The following NEDD9 variants were observed in gnomAD, a reference collection of about 807,000 sequenced individuals.
NEDD9 encodes neural precursor cell expressed, developmentally down-regulated 9.
A neutral mutation model predicts 76.6 loss-of-function variants in NEDD9; 26 were observed. The ratio of observed to expected loss-of-function variants is 0.34; its 90% CI spans 0.25 to 0.47. The LOEUF is 0.47. Among genes scored for constraint, NEDD9 ranks in the 20% least tolerant of loss-of-function variants. The pLI, the probability that NEDD9 is intolerant of heterozygous loss-of-function variation, is 1.00. For missense variants in NEDD9, 937 were observed against 1,058.5 expected, an observed-to-expected ratio of 0.89 and a Z score of 1.59; for synonymous variants, 392 against 414.2, an observed-to-expected ratio of 0.95 and a Z score of 0.65.
chr6:11,354,143 C>T (rs1453790817), intron 1 of NEDD9, among the ~76,000 whole-genome samples: 2 of 152,160 alleles, frequency 1.3e-5, no homozygotes, highest in Non-Finnish European at 2.9e-5. Context: ...TTGAACAAAG[C>T]TGAGTTGGGC....
intron 6 of NEDD9, among the ~76,000 whole-genome samples, chr6:11,186,762 C>T (rs951256955): frequency 3.9e-5 from 6 of 152,160 alleles, no homozygotes; most frequent in South Asian, 4.1e-4. Context: ...GGACTACAGG[C>T]GCCCGCCACC....
intron 3 of NEDD9, chr6:11,305,073 C>T (rs529384936): frequency 6.2e-5 from 80 of 1,284,680 alleles, no homozygotes; most frequent in East Asian, 4.4e-4. Context: ...TACCTTGGAA[C>T]GTTTGCCCAG....
chr6:11,305,410 C>T (rs7774907), intron 3 of NEDD9: 2,570 of 243,872 alleles, frequency 0.011, 52 homozygotes, highest in African/African-American at 0.053. Flanking sequence ...CTATGCCATG[C>T]GATGATGCCT....
chr6:11,280,731 G>C (rs559341289), intron 3 of NEDD9, among the ~76,000 whole-genome samples: 1 of 152,238 alleles, frequency 6.6e-6, no homozygotes, highest in Non-Finnish European at 1.5e-5. Context: ...GGGGCCCCAC[G>C]CTTGGAGCCC....
chr6:11,343,211 T>C lies in NEDD9; in HGVS notation c.-213-8650A>G, dbSNP rs189922776. On this transcript the variant is annotated intron_variant, in intron 1 of 3. Coordinates refer to the NEDD9 transcript ENST00000397378. ...TTGGGAGGCTGAGGCGGGTGGATCA[T>C]GAGGTCAGGAGTTCGAGACCAGCCT... Among the ~76,000 whole-genome samples the C allele has an allele frequency of 2.6e-3, 393 of 152,066 alleles. 2 individuals carry two copies. Among genetic ancestry groups the C allele is most frequent in the African/African-American group, 8.9e-3 (371 of 41,474 alleles).
chr6:11,247,612 C>G (rs960253728), intron 3 of NEDD9, among the ~76,000 whole-genome samples: 3 of 152,128 alleles, frequency 2.0e-5, no homozygotes, highest in African/African-American at 7.2e-5. Flanking sequence ...CCCCCCAGGC[C>G]CCAGACCTCT....
chr6:11,222,090 C>T (rs1406173453), intron 1 of NEDD9, among the ~76,000 whole-genome samples: 5 of 152,198 alleles, frequency 3.3e-5, no homozygotes, highest in African/African-American at 1.2e-4. Flanking sequence ...CAAGTTATAA[C>T]ATCTGATAAG....
At chr6:11,333,337 C>G (rs1762088321) in intron 2 of NEDD9, among the ~76,000 whole-genome samples, 1 of 152,180 alleles carries the variant, frequency 6.6e-6, no homozygotes, top group African/African-American at 2.4e-5. Flanking sequence ...CAATGGAAAC[C>G]AAACTGAGCC....
rs1159285854 is a variant in NEDD9 at position 11,370,158 on chromosome 6, G to A, written c.-214+11981C>T. 8.5e-6 allele frequency among the ~76,000 whole-genome samples: 1 copy of A among 117,720 alleles called. No homozygotes were observed. Among genetic ancestry groups the A allele is most frequent in the Non-Finnish European group, 1.7e-5 (1 of 57,952 alleles). 77.2% of individuals were successfully genotyped at this position (117,720 alleles called of 152,430 possible). A position where few individuals can be genotyped will look rare whatever the true frequency, so the allele number is the denominator to read the frequency against. ...AATGATGAAATAGACACATCTCTCT[G>A]CTAAATCATGCTTGTGGGAACCCAA... On this transcript the variant is annotated intron_variant, in intron 1 of 3. Transcript: ENST00000397378. This position sits in a 1 kb window ranked among gnomAD's most constrained non-coding sequence, Gnocchi z 4.2.
At chr6:11,208,922 A>C (rs952524342) in intron 2 of NEDD9, among the ~76,000 whole-genome samples, 1 of 152,222 alleles carries the variant, frequency 6.6e-6, no homozygotes, top group African/African-American at 2.4e-5. Flanking sequence ...TATTAAGTAG[A>C]ATTTTTGCTG....
At chr6:11,189,400 G>T (rs1041356268) in intron 5 of NEDD9, among the ~76,000 whole-genome samples, 1 of 152,188 alleles carries the variant, frequency 6.6e-6, no homozygotes, top group Non-Finnish European at 1.5e-5. Context: ...CTAATGCCCA[G>T]TGGTCCTCTA....
At chr6:11,378,183 C>T (rs562568446) in intron 1 of NEDD9, among the ~76,000 whole-genome samples, 18 of 152,132 alleles carry the variant, frequency 1.2e-4, no homozygotes, top group African/African-American at 3.6e-4. Flanking sequence ...GTGGAGGTTG[C>T]GGCAAGCCAA....
Position 11,190,291 on chromosome 6 carries a change from G to T in NEDD9, c.1578C>A (p.Asp526Glu), listed in dbSNP as rs150922117. The T allele has an allele frequency of 6.2e-7, 1 of 1,614,240 alleles. No homozygotes were observed. The highest frequency in any genetic ancestry group is 1.1e-5 in the South Asian group (1 of 91,084). Residue 526 changes from aspartate to glutamate, a missense_variant, in exon 5 of 7, where the codon GAC becomes GAA. Transcript: ENST00000379446. This position sits in a 1 kb window ranked among gnomAD's most constrained non-coding sequence, Gnocchi z 5.8. ...LAINKPQNKCDDLDRFVMVAK... is the reference protein window; with the variant it reads ...LAINKPQNKCEDLDRFVMVAK... Reference sequence around the variant, plus strand: ...CCACCATCACAAACCGGTCCAGATCGTCACACTTGTTCTGGGGCTTGTTGA... The same window carrying T: ...CCACCATCACAAACCGGTCCAGATCTTCACACTTGTTCTGGGGCTTGTTGA...
chr6:11,229,988 T>G (rs1037171010), intron 1 of NEDD9, among the ~76,000 whole-genome samples: 7 of 152,204 alleles, frequency 4.6e-5, no homozygotes, highest in African/African-American at 1.7e-4. Flanking sequence ...TAGGGCCTGA[T>G]TCATAAGTCT....
chr6:11,183,409 C>G lies in NEDD9; in HGVS notation c.*1753G>C, dbSNP rs377304313. 2 of 152,212 alleles carry G rather than the reference C, an allele frequency of 1.3e-5. No homozygotes were observed. The highest frequency in any genetic ancestry group is 4.8e-5 in the African/African-American group (2 of 41,450). The allele number at this position is 152,212 out of a possible 1,614,324, so 9.4% of individuals were successfully genotyped here. A position where few individuals can be genotyped will look rare whatever the true frequency, so the allele number is the denominator to read the frequency against. The stretch of plus-strand genomic sequence containing the variant: ...GTTTTAAAAATGTGAAATGTCTCCA[C>G]TTAGCGTAGATCAATCAAGTCAGCC... On this transcript the variant is annotated 3_prime_UTR_variant, in exon 7 of 7. Coordinates refer to ENST00000379446, the MANE Select transcript of NEDD9 (RefSeq NM_006403.4).
At chr6:11,284,032 T>C (rs1760591972) in intron 3 of NEDD9, among the ~76,000 whole-genome samples, 1 of 151,674 alleles carries the variant, frequency 6.6e-6, no homozygotes, top group Non-Finnish European at 1.5e-5. Context: ...ATGTCATCTC[T>C]CTAAGGATTG....
intron 1 of NEDD9, among the ~76,000 whole-genome samples, chr6:11,361,882 A>T (rs1762686477): frequency 6.6e-6 from 1 of 152,182 alleles, no homozygotes; most frequent in African/African-American, 2.4e-5. Context: ...AGTAGGTGGT[A>T]TGTGAGCTGA....
chr6:11,289,428 G>A (rs1760716436), intron 3 of NEDD9, among the ~76,000 whole-genome samples: 1 of 152,094 alleles, frequency 6.6e-6, no homozygotes, highest in African/African-American at 2.4e-5. Context: ...ATACTTTGCA[G>A]CCAAATGGCA....
In NEDD9 at chr6:11,185,177, C is replaced by T. The variant is rs1462395787; in HGVS notation, c.2490G>A (p.Glu830=). The stretch of plus-strand genomic sequence containing the variant: ...TTTTTTCTTCTCAGAACGTTGCCAT[C>T]TCCAGCAAAGAGCGCTTGAACAGCT... ...NAQLFKRSLL[E]MATF The change falls in exon 7 of 7, where the codon GAG becomes GAA. Residue 830 remains glutamate, a synonymous_variant. Coordinates refer to ENST00000379446, the MANE Select transcript of NEDD9 (RefSeq NM_006403.4). The T allele has an allele frequency of 6.2e-7, 1 of 1,611,390 alleles. No homozygotes were observed. Among genetic ancestry groups the T allele is most frequent in the East Asian group, 2.2e-5 (1 of 44,782 alleles).
Sources: allele counts gnomAD v4.1 joint callset (sites outside exome capture counted in the v4.1 genomes callset), GRCh38; gene constraint gnomAD v4.1.1; non-coding constraint Gnocchi (gnomAD v3.1); transcripts MANE v1.5; gene names NCBI Gene and HGNC (gene_info 2026-07-23, HGNC 2026-07-21).